PDZRN3: variants seen among roughly 807,000 people sequenced by gnomAD.
PDZRN3 encodes E3 ubiquitin-protein ligase PDZRN3.
Under a neutral mutation model 85.7 loss-of-function variants are expected in PDZRN3, and 38 were observed. That is an observed-to-expected ratio of 0.44 (90% confidence interval 0.34 to 0.58). The LOEUF (loss-of-function observed/expected upper bound fraction) is 0.58, where lower values mean the gene tolerates loss of function less well. Ranked by LOEUF, PDZRN3 falls within the 20% of genes least tolerant of loss-of-function variation. PDZRN3 has a pLI of 0.01. For synonymous variants in PDZRN3, 759 were observed against 638.0 expected, an observed-to-expected ratio of 1.19 and a Z score of -2.86; for missense variants, 1,629 against 1,506.4, an observed-to-expected ratio of 1.08 and a Z score of -1.35.
At chr3:73,499,049 G>C (rs938901568) in intron 3 of PDZRN3, among the ~76,000 whole-genome samples, 1 of 152,132 alleles carries the variant, frequency 6.6e-6, no homozygotes, top group African/African-American at 2.4e-5. Flanking sequence ...GTTTAACCAG[G>C]AGATTCCCAG....
In PDZRN3 at chr3:73,383,694, T is replaced by G; in HGVS notation, c.2872A>C (p.Thr958Pro). The G allele has an allele frequency of 6.2e-7, 1 of 1,611,718 alleles. No individual in the cohort carries two copies. The highest frequency in any genetic ancestry group is 8.5e-7 in the Non-Finnish European group (1 of 1,180,010). The stretch of plus-strand genomic sequence containing the variant: ...TCGCTCACCGCGTCGTCGTCGGTGG[T>G]CATGCCGCTGCGCTCTTCCCGGATC... ...LKIREERSGM[T>P]TDDDAVSEMK... Residue 958 changes from threonine (T) to proline (P), a missense_variant, in exon 10 of 10, where the codon ACC becomes CCC. By Grantham distance (38) the Thr-to-Pro change is conservative (BLOSUM62 -1). Transcript: ENST00000263666.
intron 5 of PDZRN3, among the ~76,000 whole-genome samples, chr3:73,392,288 G>A (rs775567971): frequency 1.8e-4 from 27 of 152,356 alleles, no homozygotes; most frequent in Admixed American, 2.6e-4. Flanking sequence ...GGGCCCACAG[G>A]CCAGCATGAG....
intron 3 of PDZRN3, among the ~76,000 whole-genome samples, chr3:73,602,026 C>A (rs78272069): frequency 0.012 from 1,856 of 152,298 alleles, 54 homozygotes; most frequent in African/African-American, 0.042. Flanking sequence ...ATTTGTACAA[C>A]AGGGTTCGTT....
intron 3 of PDZRN3, among the ~76,000 whole-genome samples, chr3:73,539,413 G>C (rs915978552): frequency 2.0e-4 from 31 of 152,142 alleles, no homozygotes; most frequent in African/African-American, 7.0e-4. Flanking sequence ...GCAAGAGGTG[G>C]AATCGATTTC....
intron 3 of PDZRN3, among the ~76,000 whole-genome samples, chr3:73,461,786 G>C (rs889327972): frequency 4.6e-5 from 7 of 152,160 alleles, no homozygotes; most frequent in African/African-American, 1.7e-4. Flanking sequence ...CACAGCCTAG[G>C]TTCCCCAAGG....
rs776975031 is a variant in PDZRN3 at position 73,384,125 on chromosome 3, T to C, written c.2441A>G (p.Asp814Gly). Residue 814 changes from aspartate to glycine, a missense_variant, in exon 10 of 10, where the codon GAT (aspartate) becomes GGT (glycine). Transcript: ENST00000263666. ...ATAGGTAGGGGTGCCCACTTCGGGA[T>C]CTTCCGTGATGGAGAGCAGATTCTT... ...ASKNLLSITE[D>G]PEVGTPTYSP... is the part of the protein sequence containing the mutation. 1.9e-6 allele frequency: 3 copies of C among 1,614,084 alleles called. No homozygotes were observed. Among genetic ancestry groups the C allele is most frequent in the Non-Finnish European group, 2.5e-6 (3 of 1,180,024 alleles).
chr3:73,535,387 C>T (rs1031764065), intron 3 of PDZRN3, among the ~76,000 whole-genome samples: 1 of 152,002 alleles, frequency 6.6e-6, no homozygotes, highest in African/African-American at 2.4e-5. Context: ...CTTGGAAATG[C>T]CCTCACAGTA....
At chr3:73,587,384 G>GA (rs1702293223) in intron 3 of PDZRN3, among the ~76,000 whole-genome samples, 1 of 152,174 alleles carries the variant, frequency 6.6e-6, no homozygotes, top group Admixed American at 6.5e-5. Flanking sequence ...AAAGTTTGCA[G>GA]AATACTCTTT....
chr3:73,406,398 T>C (rs952031864), intron 3 of PDZRN3, among the ~76,000 whole-genome samples: 1 of 152,192 alleles, frequency 6.6e-6, no homozygotes, highest in Non-Finnish European at 1.5e-5. Context: ...TGCTGTGGAA[T>C]TCATGCTGGG....
Position 73,382,504 on chromosome 3 carries a change from A to AAAT in PDZRN3, c.*858_*860dup, listed in dbSNP as rs1355688079. 6.6e-6 allele frequency: 1 copy of AAAT among 152,636 alleles called. No individual in the cohort carries two copies. Among genetic ancestry groups the AAAT allele is most frequent in the Admixed American group, 6.5e-5 (1 of 15,282 alleles). The allele number at this position is 152,636 out of a possible 1,614,324, so 9.5% of individuals were successfully genotyped here. A position where few individuals can be genotyped will look rare whatever the true frequency, so the allele number is the denominator to read the frequency against. Reference sequence around the variant, plus strand: ...ATCACATCAAAACATATCAAATAGAAAATAATAATTTATTTTAACTTCATT... The same window carrying AAAT: ...ATCACATCAAAACATATCAAATAGAAAATAATAATAATTTATTTTAACTTCATT... On this transcript the variant is annotated 3_prime_UTR_variant, in exon 10 of 10. Transcript: ENST00000263666.
At chr3:73,400,790 T>A (rs1224155826) in intron 5 of PDZRN3, 132 bp downstream of exon 5, 9 of 692,282 alleles carry the variant, frequency 1.3e-5, no homozygotes, top group Non-Finnish European at 1.9e-5. Flanking sequence ...TCAAAGGGCA[T>A]CAGTAAAAGT....
At chr3:73,555,599 T>C (rs1463696063) in intron 3 of PDZRN3, among the ~76,000 whole-genome samples, 1 of 152,194 alleles carries the variant, frequency 6.6e-6, no homozygotes, top group Non-Finnish European at 1.5e-5. Flanking sequence ...CAATTCCACA[T>C]TGCTTGAGTC....
At chr3:73,595,662 T>C (rs1559752231) in intron 3 of PDZRN3, among the ~76,000 whole-genome samples, 1 of 152,280 alleles carries the variant, frequency 6.6e-6, no homozygotes, top group African/African-American at 2.4e-5. Flanking sequence ...AATTCACTGA[T>C]AACATCTAAG....
chr3:73,595,135 ACT>A (rs1330209392), intron 3 of PDZRN3, among the ~76,000 whole-genome samples: 5 of 152,098 alleles, frequency 3.3e-5, no homozygotes, highest in Admixed American at 2.6e-4. Flanking sequence ...ATAAGAAGAA[ACT>A]CTAGCTTCCA....
At chr3:73,459,423 G>T (rs1021133766) in intron 3 of PDZRN3, among the ~76,000 whole-genome samples, 7 of 152,076 alleles carry the variant, frequency 4.6e-5, no homozygotes, top group African/African-American at 1.7e-4. Context: ...TCATGTCATG[G>T]GGGTGTGCAC....
chr3:73,518,515 T>C (rs1480437305), intron 3 of PDZRN3, among the ~76,000 whole-genome samples: 1 of 152,218 alleles, frequency 6.6e-6, no homozygotes. Flanking sequence ...ATGTTATTTA[T>C]ATTTTACCAC....
intron 3 of PDZRN3, among the ~76,000 whole-genome samples, chr3:73,498,510 A>T (rs1455228660): frequency 6.6e-6 from 1 of 152,152 alleles, no homozygotes; most frequent in Non-Finnish European, 1.5e-5. Flanking sequence ...ATTAATTGCT[A>T]TTCCCTATAA....
intron 3 of PDZRN3, among the ~76,000 whole-genome samples, chr3:73,474,148 AAC>A (rs1703402585): frequency 6.6e-6 from 1 of 152,130 alleles, no homozygotes; most frequent in African/African-American, 2.4e-5. Context: ...TTTGGGGGAA[AAC>A]ACACATTAAT....
chr3:73,490,540 T>C (rs1017178929), intron 3 of PDZRN3, among the ~76,000 whole-genome samples: 5 of 152,324 alleles, frequency 3.3e-5, no homozygotes, highest in African/African-American at 1.2e-4. Context: ...CCCACAGCTG[T>C]ATTTGTACCA....
Sources: gnomAD v4.1 joint callset for allele counts (sites outside exome capture counted in the v4.1 genomes callset) on GRCh38, gnomAD v4.1.1 for gene constraint, MANE v1.5 for transcripts, NCBI Gene and HGNC (gene_info 2026-07-23, HGNC 2026-07-21) for gene names.